The following JADE2 variants were observed in gnomAD, a reference collection of about 807,000 sequenced individuals.
The protein encoded by JADE2 is E3 ubiquitin-protein ligase Jade-2.
JADE2 carries 13 observed loss-of-function variants against 85.7 expected under a neutral mutation model. The ratio of observed to expected loss-of-function variants is 0.15; its 90% CI spans 0.10 to 0.24. The LOEUF is 0.24. JADE2 is among the 10% of genes least tolerant of loss of function. The probability of loss-of-function intolerance (pLI) is 1.00; values close to 1 mark genes in which losing one functional copy is unlikely to be tolerated. For synonymous variants in JADE2, 440 were observed against 456.1 expected (o/e 0.96, Z 0.45); for missense variants, 846 against 1,115.9 (o/e 0.76, Z 3.45).
chr5:134,553,196 C>G (rs1366912530), intron 4 of JADE2, among the ~76,000 whole-genome samples: 1 of 151,944 alleles, frequency 6.6e-6, no homozygotes, highest in East Asian at 1.9e-4. Flanking sequence ...GTCTCTAACT[C>G]CTGGGCTCAA....
intron 1 of JADE2, chr5:134,526,352 G>T: frequency 1.0e-6 from 1 of 985,150 alleles, no homozygotes; most frequent in Non-Finnish European, 1.2e-6. Context: ...GAGGGGGCGC[G>T]GGCGGGCGGG....
At chr5:134,529,258 G>C (rs575832361) in intron 1 of JADE2, among the ~76,000 whole-genome samples, 1 of 152,310 alleles carries the variant, frequency 6.6e-6, no homozygotes, top group East Asian at 1.9e-4. Flanking sequence ...GGATACCCCT[G>C]GCTTGCCCTG....
rs1433451658 is a variant in JADE2 at position 134,578,330 on chromosome 5, G to A, written c.1682-164G>A. 1.3e-5 allele frequency among the ~76,000 whole-genome samples: 2 copies of A among 152,206 alleles called. No individual in the cohort carries two copies. Among genetic ancestry groups the A allele is most frequent in the African/African-American group, 2.4e-5 (1 of 41,456 alleles). ...TATAAGTAGTCCCTACTCTTTGGTG[G>A]TGTTGGCAGGAGGGATGGACAAAAC... On this transcript the variant is annotated intron_variant, in intron 11 of 11. Transcript: ENST00000681547. The surrounding 1 kb of genome is among the most constrained non-coding windows in gnomAD (Gnocchi z 4.4).
chr5:134,535,568 G>A (rs1188894512), intron 1 of JADE2, among the ~76,000 whole-genome samples: 1 of 152,108 alleles, frequency 6.6e-6, no homozygotes, highest in Non-Finnish European at 1.5e-5. Flanking sequence ...TTCAGTTTGG[G>A]CTTGCTGATG....
rs1355283934 is a variant in JADE2, at chr5:134,525,687, G to A, written c.-325G>A. ...AAAGAAACAGAAACATACACAGGGGGTTGGTGAATGGTGCCGACCGCGGCC... is the reference window on the plus strand; with the variant it reads ...AAAGAAACAGAAACATACACAGGGGATTGGTGAATGGTGCCGACCGCGGCC... On this transcript the variant is annotated 5_prime_UTR_variant, in exon 1 of 12. Transcript: ENST00000681547. 7.9e-7 allele frequency: 1 copy of A among 1,259,308 alleles called. No individual in the cohort carries two copies. The highest frequency in any genetic ancestry group is 1.0e-6 in the Non-Finnish European group (1 of 975,960). The allele number at this position is 1,259,308 out of a possible 1,614,324, so 78.0% of individuals were successfully genotyped here.
chr5:134,580,429 C>CT lies in JADE2; in HGVS notation c.*1112_*1113insT, dbSNP rs1295557767. The CT allele has an allele frequency of 8.1e-6, 1 of 123,150 alleles. No individual in the cohort carries two copies. Among genetic ancestry groups the CT allele is most frequent in the African/African-American group, 3.0e-5 (1 of 33,750 alleles). 7.6% of individuals were successfully genotyped at this position (123,150 alleles called of 1,614,324 possible). ...CCTTAACCCCTCGCACAGCCATCCCCCCCCCCGTCCTGCCATCCCCCCCCG... is the reference window on the plus strand; with the variant it reads ...CCTTAACCCCTCGCACAGCCATCCCCTCCCCCCGTCCTGCCATCCCCCCCCG... On this transcript the variant is annotated 3_prime_UTR_variant, in exon 12 of 12. Transcript: ENST00000681547.
In JADE2 at chr5:134,578,277, G is replaced by A. The variant is rs1561768112; in HGVS notation, c.1682-217G>A. On this transcript the variant is annotated intron_variant, in intron 11 of 11. Transcript: ENST00000681547. The surrounding 1 kb of genome is among the most constrained non-coding windows in gnomAD (Gnocchi z 4.4). ...CCACAAATTATGAAGCCCATCTTGA[G>A]GGCAGCACGTCCTTCTGGAGAGAAG... 6.6e-6 allele frequency among the ~76,000 whole-genome samples: 1 copy of A among 152,212 alleles called. No individual in the cohort carries two copies. Among genetic ancestry groups the A allele is most frequent in the Non-Finnish European group, 1.5e-5 (1 of 68,042 alleles).
At position 134,563,734 on chromosome 5, in the gene JADE2, A is replaced by G. The variant is rs575049606; in HGVS notation, c.853-760A>G. Among the ~76,000 whole-genome samples the G allele has an allele frequency of 8.3e-4, 126 of 152,370 alleles. 1 individual carries two copies. The highest frequency in any genetic ancestry group is 1.7e-3 in the East Asian group (9 of 5,186). ...AGCAGTAGGCACTTGCTTGCAGATC[A>G]GCATGTTGAAGACTGGGACCACCTC... is the stretch of plus-strand genomic sequence containing the variant. On this transcript the variant is annotated intron_variant, in intron 7 of 11. Transcript: ENST00000681547.
chr5:134,558,696 G>A (rs974246602), intron 4 of JADE2, among the ~76,000 whole-genome samples: 7 of 152,180 alleles, frequency 4.6e-5, no homozygotes, highest in East Asian at 1.9e-4. Context: ...ACACCACCAC[G>A]CCTGGGTAAT....
At position 134,579,457 on chromosome 5, in the gene JADE2, G is replaced by A; in HGVS notation, c.*140G>A. 1.5e-6 allele frequency: 1 copy of A among 655,498 alleles called. No individual in the cohort carries two copies. Among genetic ancestry groups the A allele is most frequent in the South Asian group, 2.0e-5 (1 of 50,204 alleles). The allele number at this position is 655,498 out of a possible 1,614,324, so 40.6% of individuals were successfully genotyped here. ...CCGTCGTGGTTTTATTTTTAATATA[G>A]AGAGAGTTTTGAATTCTACACTGTT... On this transcript the variant is annotated 3_prime_UTR_variant, in exon 12 of 12. Transcript: ENST00000681547. The surrounding 1 kb of genome is among the most constrained non-coding windows in gnomAD (Gnocchi z 4.6).
intron 8 of JADE2, among the ~76,000 whole-genome samples, chr5:134,565,400 T>C (rs570771063): frequency 5.1e-4 from 77 of 152,188 alleles, no homozygotes; most frequent in Non-Finnish European, 1.0e-3. Context: ...TCAAGCTGTC[T>C]GGATGAAAGG....
intron 1 of JADE2, among the ~76,000 whole-genome samples, chr5:134,535,322 G>A (rs1428847953): frequency 2.0e-5 from 3 of 152,128 alleles, no homozygotes; most frequent in Admixed American, 6.5e-5. Context: ...AGTGTCCCCC[G>A]CCTCTCCCCC....
At position 134,581,001 on chromosome 5, in the gene JADE2, C is replaced by T. The variant is rs1387614254; in HGVS notation, c.*1684C>T. The T allele has an allele frequency of 6.6e-6, 1 of 152,594 alleles. No individual in the cohort carries two copies. Among genetic ancestry groups the T allele is most frequent in the Non-Finnish European group, 1.5e-5 (1 of 68,042 alleles). The allele number at this position is 152,594 out of a possible 1,614,324, so 9.5% of individuals were successfully genotyped here. ...CATGTGGTTCCCTCCTCCCCAAATA[C>T]ATAAAGCAAATAAGCAGGATGGGGA... On this transcript the variant is annotated 3_prime_UTR_variant, in exon 12 of 12. Transcript: ENST00000681547.
intron 9 of JADE2, among the ~76,000 whole-genome samples, chr5:134,570,162 G>A (rs1275922580): frequency 1.3e-5 from 2 of 152,120 alleles, no homozygotes; most frequent in South Asian, 4.1e-4. Flanking sequence ...AAATCCCATA[G>A]CGCTGAGCAG....
chr5:134,569,139 C>T (rs1763836921), intron 9 of JADE2, among the ~76,000 whole-genome samples: 1 of 152,220 alleles, frequency 6.6e-6, no homozygotes, highest in South Asian at 2.1e-4. Context: ...ATGTGGGGGA[C>T]AAAGCTTAGC....
In JADE2 at chr5:134,559,417, A is replaced by T. The variant is rs1419479922; in HGVS notation, c.312-413A>T. On this transcript the variant is annotated intron_variant, in intron 4 of 11. Transcript: ENST00000681547. ...TTGTTGCTGGCACAGGGCATTGCCC[A>T]TGATGGCACATAGGATACCTCTTAC... 2.0e-5 allele frequency among the ~76,000 whole-genome samples: 3 copies of T among 152,228 alleles called. No homozygotes were observed. In the East Asian group the frequency reaches 5.8e-4, roughly 29 times the overall value.
rs1411153067 is a variant in JADE2 at position 134,581,317 on chromosome 5, T to A, written c.*2000T>A. On this transcript the variant is annotated 3_prime_UTR_variant, in exon 12 of 12. Coordinates refer to ENST00000681547, the MANE Select transcript of JADE2 (RefSeq NM_001388185.1). ...CAGCATCAGTGTCCCAACCCCAGTC[T>A]CTGTTTACTGCCTTTGAACAGAACT... is the stretch of plus-strand genomic sequence containing the variant. 1 of 152,758 alleles carries A rather than the reference T, an allele frequency of 6.5e-6. No individual in the cohort carries two copies. Among genetic ancestry groups the A allele is most frequent in the Non-Finnish European group, 1.5e-5 (1 of 68,144 alleles). The allele number at this position is 152,758 out of a possible 1,614,324, so 9.5% of individuals were successfully genotyped here. A position where few individuals can be genotyped will look rare whatever the true frequency, so the allele number is the denominator to read the frequency against.
At chr5:134,571,228 AC>A (rs1208506576) in intron 9 of JADE2, among the ~76,000 whole-genome samples, 9 of 152,312 alleles carry the variant, frequency 5.9e-5, no homozygotes, top group African/African-American at 2.2e-4. Context: ...TCAAGGGCCC[AC>A]CCTAATGTAG....
Position 134,579,069 on chromosome 5 carries a change from C to T in JADE2, c.2257C>T (p.Arg753Trp), listed in dbSNP as rs762179176. 16 of 1,613,884 alleles carry T rather than the reference C, an allele frequency of 9.9e-6. No individual in the cohort carries two copies. Among genetic ancestry groups the T allele is most frequent in the African/African-American group, 5.3e-5 (4 of 74,942 alleles). The change falls in exon 12 of 12, where the codon CGG becomes TGG. Residue 753 changes from arginine (R) to tryptophan (W), a missense_variant. Physicochemically the swap from Arg to Trp is moderately radical, Grantham distance 101. Coordinates refer to ENST00000681547, the MANE Select transcript of JADE2 (RefSeq NM_001388185.1). The surrounding 1 kb of genome is among the most constrained non-coding windows in gnomAD (Gnocchi z 4.6). ...AAGCCCTAAGCCTTTGGGCCGGCTC[C>T]GGCCACCCCGCGAGAGCAAGGTAAC... ...AASPKPLGRLRPPRESKVTRR... is the reference protein window; with the variant it reads ...AASPKPLGRLWPPRESKVTRR...
Sources: allele counts gnomAD v4.1 joint callset (sites outside exome capture counted in the v4.1 genomes callset), GRCh38; gene constraint gnomAD v4.1.1; non-coding constraint Gnocchi (gnomAD v3.1); transcripts MANE v1.5; gene names NCBI Gene and HGNC (gene_info 2026-07-23, HGNC 2026-07-21).